Variants in LMNB2 observed in about 807,000 individuals in gnomAD.
LMNB2 encodes lamin B2.
Under a neutral mutation model 69.3 loss-of-function variants are expected in LMNB2, and 17 were observed. The ratio of observed to expected loss-of-function variants is 0.25; its 90% CI spans 0.17 to 0.37. The LOEUF (loss-of-function observed/expected upper bound fraction) is 0.37. Ranked by LOEUF, LMNB2 falls within the 10% of genes least tolerant of loss-of-function variation. The probability of loss-of-function intolerance (pLI) is 1.00; values close to 1 mark genes in which losing one functional copy is unlikely to be tolerated. For missense variants in LMNB2, 789 were observed against 883.6 expected (o/e 0.89, Z 1.36); for synonymous variants, 397 against 389.3 (o/e 1.02, Z -0.23).
At chr19:2,454,613 C>T (rs1972068216) in intron 1 of LMNB2, among the ~76,000 whole-genome samples, 1 of 152,126 alleles carries the variant, frequency 6.6e-6, no homozygotes, top group Non-Finnish European at 1.5e-5. Flanking sequence ...CAGCTCTTCT[C>T]CCAGAAGCCC....
rs769439598 is a variant in LMNB2, at chr19:2,433,952, C to T, written c.1356G>A (p.Leu452=). The T allele has an allele frequency of 5.6e-6, 9 of 1,611,822 alleles. No homozygotes were observed. In the African/African-American group the frequency reaches 1.2e-4, roughly 22 times the overall value. The change falls in exon 8 of 12, where the codon CTG becomes CTA. Residue 452 remains leucine (L), a synonymous_variant. Transcript: ENST00000325327. ...EEPLGSGPSV[L]GTGTGGSGGF... ...CACCGCTGCCACCCGTGCCCGTGCC[C>T]AGGACGCTTGGGCCGCTGCCCAAGG...
At position 2,443,753 on chromosome 19, in the gene LMNB2, A is replaced by G. The variant is rs182275425; in HGVS notation, c.401+651T>C. On this transcript the variant is annotated intron_variant, in intron 2 of 11. Coordinates refer to ENST00000325327, the MANE Select transcript of LMNB2 (RefSeq NM_032737.4). The surrounding 1 kb of genome is among the most constrained non-coding windows in gnomAD (Gnocchi z 6.2). ...TTTCATTGGCCTCCTGGCTCCTCTG[A>G]ATAAATATTCCTTTTGTCATCATCG... Among the ~76,000 whole-genome samples the G allele has an allele frequency of 3.3e-5, 5 of 152,316 alleles. No homozygotes were observed. Among genetic ancestry groups the G allele is most frequent in the African/African-American group, 1.2e-4 (5 of 41,556 alleles).
At position 2,430,093 on chromosome 19, in the gene LMNB2, A is replaced by C. The variant is rs1356822916; in HGVS notation, c.*818T>G. The C allele has an allele frequency of 6.5e-6, 1 of 153,252 alleles. No individual in the cohort carries two copies. Among genetic ancestry groups the C allele is most frequent in the Non-Finnish European group, 1.5e-5 (1 of 68,884 alleles). The allele number at this position is 153,252 out of a possible 1,614,324, so 9.5% of individuals were successfully genotyped here. A position where few individuals can be genotyped will look rare whatever the true frequency, so the allele number is the denominator to read the frequency against. ...CGTTCCCTGCAGACAGCTGTTCTGA[A>C]ACTCACAGCTTCTGCCTCCAAGGCA... On this transcript the variant is annotated 3_prime_UTR_variant, in exon 12 of 12. Transcript: ENST00000325327.
chr19:2,431,721 C>T (rs907841277), intron 10 of LMNB2, 62 bp downstream of exon 10: 47 of 1,613,562 alleles, frequency 2.9e-5, no homozygotes, highest in African/African-American at 2.7e-4. Context: ...GTGGCGGCCC[C>T]GAGGGTGCCC....
rs1379986086 is a variant in LMNB2 at position 2,443,285 on chromosome 19, G to A, written c.401+1119C>T. 6.6e-6 allele frequency among the ~76,000 whole-genome samples: 1 copy of A among 152,242 alleles called. No homozygotes were observed. The highest frequency in any genetic ancestry group is 1.5e-5 in the Non-Finnish European group (1 of 68,034). On this transcript the variant is annotated intron_variant, in intron 2 of 11. Coordinates refer to ENST00000325327, the MANE Select transcript of LMNB2 (RefSeq NM_032737.4). This position sits in a 1 kb window ranked among gnomAD's most constrained non-coding sequence, Gnocchi z 6.2. ...CCTGGGCTGACCTGGAGGGTCTCCT[G>A]TTGGGGAAGGGAAGTCAGCTCTCCA...
In LMNB2 at chr19:2,447,743, C is replaced by T. The variant is rs530259087; in HGVS notation, c.265-3203G>A. Among the ~76,000 whole-genome samples, 4 of 152,282 alleles carry T rather than the reference C, an allele frequency of 2.6e-5. No individual in the cohort carries two copies. The East Asian group carries it at 5.8e-4, about 22-fold the overall frequency. Reference sequence around the variant, plus strand: ...TCTGGAGGGCCACACCCCCATGTTACAGGCGAGGCTCCTGTGCAGAGGGCT... The same window carrying T: ...TCTGGAGGGCCACACCCCCATGTTATAGGCGAGGCTCCTGTGCAGAGGGCT... On this transcript the variant is annotated intron_variant, in intron 1 of 11. Coordinates refer to ENST00000325327, the MANE Select transcript of LMNB2 (RefSeq NM_032737.4). The surrounding 1 kb of genome is among the most constrained non-coding windows in gnomAD (Gnocchi z 4.4).
In LMNB2 at chr19:2,430,017, G is replaced by C. The variant is rs1234136895; in HGVS notation, c.*894C>G. The C allele has an allele frequency of 6.6e-6, 1 of 152,570 alleles. No homozygotes were observed. Among genetic ancestry groups the C allele is most frequent in the Non-Finnish European group, 1.5e-5 (1 of 68,362 alleles). The allele number at this position is 152,570 out of a possible 1,614,324, so 9.5% of individuals were successfully genotyped here. The stretch of plus-strand genomic sequence containing the variant: ...TATAGGCACAGGGCAGACGGAGCTG[G>C]AACACGGGAGGGGCTCCACAGCGCT... On this transcript the variant is annotated 3_prime_UTR_variant, in exon 12 of 12. Coordinates refer to ENST00000325327, the MANE Select transcript of LMNB2 (RefSeq NM_032737.4).
chr19:2,448,399 T>C (rs573398593), intron 1 of LMNB2, among the ~76,000 whole-genome samples: 2 of 151,930 alleles, frequency 1.3e-5, no homozygotes, highest in Admixed American at 1.3e-4. Context: ...GGGGCCAGGA[T>C]GAACAAAACA....
At chr19:2,444,689 G>T in intron 1 of LMNB2, 149 bp from the exon 2 acceptor site, 1 of 1,064,988 alleles carries the variant, frequency 9.4e-7, no homozygotes, top group Non-Finnish European at 1.4e-6. Flanking sequence ...GGGACACCCT[G>T]TGTTGCCCAT....
At chr19:2,439,403 G>T (rs928838703) in intron 2 of LMNB2, among the ~76,000 whole-genome samples, 3 of 152,132 alleles carry the variant, frequency 2.0e-5, no homozygotes, top group African/African-American at 7.2e-5. Flanking sequence ...GACATCCAGG[G>T]TTCCGCAGCG....
At chr19:2,455,755 A>G (rs1181622419) in intron 1 of LMNB2, among the ~76,000 whole-genome samples, 1 of 151,378 alleles carries the variant, frequency 6.6e-6, no homozygotes, top group Non-Finnish European at 1.5e-5. Flanking sequence ...GGGTCCCCCA[A>G]GATCTCGGAA....
chr19:2,436,929 C>G (rs1971833363), intron 4 of LMNB2: 1 of 152,408 alleles, frequency 6.6e-6, no homozygotes, highest in South Asian at 2.1e-4. Context: ...TGGGTTCCAC[C>G]TGGGGCACGT....
Position 2,434,101 on chromosome 19 carries a change from T to G in LMNB2, c.1207A>C (p.Lys403Gln). The G allele has an allele frequency of 3.2e-6, 5 of 1,585,014 alleles. No individual in the cohort carries two copies. Among genetic ancestry groups the G allele is most frequent in the Non-Finnish European group, 4.3e-6 (5 of 1,167,580 alleles). Residue 403 changes from lysine (K) to glutamine (Q), a missense_variant, in exon 8 of 12, where the codon AAG (lysine) becomes CAG (glutamine). By Grantham distance (53) the Lys-to-Gln change is moderately conservative. This residue lies in a region of LMNB2 where 609 missense variants were observed against 630.9 expected (regional missense o/e 0.97). Coordinates refer to ENST00000325327, the MANE Select transcript of LMNB2 (RefSeq NM_032737.4). The part of the protein sequence containing the change: ...KLLEGEEERL[K>Q]LSPSPSSRVT... ...CGCGAGGATGGGCTGGGGGACAGCT[T>G]CAGCCTGTGGGGAAGGCAAGGAAGG...
chr19:2,448,483 C>G (rs1396862069), intron 1 of LMNB2, among the ~76,000 whole-genome samples: 3 of 152,210 alleles, frequency 2.0e-5, no homozygotes, highest in Non-Finnish European at 4.4e-5. Context: ...AAAACAGCAA[C>G]TCTGCAATGG....
At chr19:2,440,012 G>A (rs1009495394) in intron 2 of LMNB2, among the ~76,000 whole-genome samples, 3 of 151,508 alleles carry the variant, frequency 2.0e-5, no homozygotes, top group African/African-American at 4.9e-5. Context: ...GATTACAGGC[G>A]TGAACCACTG....
intron 1 of LMNB2, among the ~76,000 whole-genome samples, chr19:2,445,554 C>T (rs1971945766): frequency 1.4e-5 from 2 of 146,636 alleles, no homozygotes; most frequent in South Asian, 4.5e-4. Context: ...TTTCACCCCT[C>T]GATCACAGGG....
intron 2 of LMNB2, among the ~76,000 whole-genome samples, chr19:2,439,826 C>T (rs1599335833): frequency 6.6e-6 from 1 of 151,820 alleles, no homozygotes; most frequent in African/African-American, 2.4e-5. Flanking sequence ...CTCCGCCTCC[C>T]GGGTTCAAAC....
rs760140216 is a variant in LMNB2 at position 2,438,316 on chromosome 19, G to A, written c.559-28C>T. ...GGGAGACACAGGACAGCGAGCTGGT[G>A]TGACAATCTGTCTGTTGCATATACC... On this transcript the variant is annotated intron_variant, in intron 3 of 11. Transcript: ENST00000325327. 3 of 1,613,686 alleles carry A rather than the reference G, an allele frequency of 1.9e-6. No individual in the cohort carries two copies. In the African/African-American group the frequency reaches 4.0e-5, roughly 22 times the overall value.
In LMNB2 at chr19:2,429,113, T is replaced by G. The variant is rs1478564210; in HGVS notation, c.*1798A>C. ...TTTGCTCCTCCAGAGCCAAAATACA[T>G]AGGATGTGGCTGAGACCACTGCAGA... On this transcript the variant is annotated 3_prime_UTR_variant, in exon 12 of 12. Transcript: ENST00000325327. 6.6e-6 allele frequency: 1 copy of G among 152,078 alleles called. No homozygotes were observed. Among genetic ancestry groups the G allele is most frequent in the Non-Finnish European group, 1.5e-5 (1 of 68,022 alleles). 9.4% of individuals were successfully genotyped at this position (152,078 alleles called of 1,614,324 possible). A position where few individuals can be genotyped will look rare whatever the true frequency, so the allele number is the denominator to read the frequency against.
Sources: allele counts gnomAD v4.1 joint callset (sites outside exome capture counted in the v4.1 genomes callset), GRCh38; gene constraint gnomAD v4.1.1; regional missense constraint gnomAD v4.1.1; non-coding constraint Gnocchi (gnomAD v3.1); transcripts MANE v1.5; gene names NCBI Gene and HGNC (gene_info 2026-07-23, HGNC 2026-07-21).